Variants in FRAS1 observed in about 807,000 individuals in gnomAD.
FRAS1 encodes Fraser extracellular matrix complex subunit 1.
In FRAS1, 290 loss-of-function variants were observed where a neutral mutation model predicts 435.2. That is an observed-to-expected ratio of 0.67 (90% CI 0.61 to 0.73). FRAS1 has a LOEUF of 0.73. Ranked by LOEUF, FRAS1 falls within the 30% of genes least tolerant of loss-of-function variation. The pLI is 0.00. For synonymous variants in FRAS1, 1,800 were observed against 1,851.0 expected, an observed-to-expected ratio of 0.97 and a Z score of 0.71; for missense variants, 4,860 against 5,001.5, an observed-to-expected ratio of 0.97 and a Z score of 0.85.
rs933647407 is a variant in FRAS1, at chr4:78,264,156, C to T, written c.604-869C>T. 1.5e-4 allele frequency among the ~76,000 whole-genome samples: 23 copies of T among 152,182 alleles called. 1 individual carries two copies. Among genetic ancestry groups the T allele is most frequent in the Admixed American group, 1.1e-3 (17 of 15,274 alleles). ...CTGCCTTTCATGTCTCCTTTCCTGA[C>T]ATTGAAGAAGGCTGTAGTGATAAGT... is the stretch of plus-strand genomic sequence containing the variant. On this transcript the variant is annotated intron_variant, in intron 6 of 73. Coordinates refer to ENST00000512123, the MANE Select transcript of FRAS1 (RefSeq NM_025074.7).
At chr4:78,243,268 G>A (rs1219249659) in intron 3 of FRAS1, among the ~76,000 whole-genome samples, 1 of 151,982 alleles carries the variant, frequency 6.6e-6, no homozygotes, top group Non-Finnish European at 1.5e-5. Flanking sequence ...AATGTGTGGA[G>A]GAGTACCCCA....
chr4:78,371,844 T>A (rs1731525334), intron 23 of FRAS1, among the ~76,000 whole-genome samples: 1 of 152,288 alleles, frequency 6.6e-6, no homozygotes, highest in South Asian at 2.1e-4. Context: ...ACTATAATAT[T>A]CACAATAACA....
rs748390392 is a variant in FRAS1, at chr4:78,099,082, A to G, written c.108+33066A>G. 4.6e-5 allele frequency among the ~76,000 whole-genome samples: 7 copies of G among 152,206 alleles called. No individual in the cohort carries two copies. The East Asian group carries it at 5.8e-4, about 13-fold the overall frequency. On this transcript the variant is annotated intron_variant, in intron 2 of 73. Coordinates refer to ENST00000512123, the MANE Select transcript of FRAS1 (RefSeq NM_025074.7). ...ATTAACAGATTCTTAAAATCTCCTC[A>G]TTGCTTTAGTTTATAAGGGCTCCCC...
intron 2 of FRAS1, among the ~76,000 whole-genome samples, chr4:78,237,035 T>C (rs948156784): frequency 5.3e-5 from 8 of 152,070 alleles, no homozygotes; most frequent in South Asian, 4.2e-4. Context: ...TTGTTTCTGA[T>C]GAATGTTAGA....
chr4:78,114,770 G>T (rs1235352205), intron 2 of FRAS1, among the ~76,000 whole-genome samples: 1 of 152,226 alleles, frequency 6.6e-6, no homozygotes, highest in Admixed American at 6.5e-5. Context: ...CATGTCATCT[G>T]CAAACAGGGA....
chr4:78,479,388 A>T lies in FRAS1; in HGVS notation c.8113A>T (p.Ile2705Phe). 6.7e-7 allele frequency: 1 copy of T among 1,497,170 alleles called. No homozygotes were observed. Among genetic ancestry groups the T allele is most frequent in the Non-Finnish European group, 8.9e-7 (1 of 1,119,952 alleles). 92.7% of individuals were successfully genotyped at this position (1,497,170 alleles called of 1,614,324 possible). ...PIERKGDASS[I>F]VSAICYTVPK... ...TTGTATTTCAGGAGATGCAAGCAGC[A>T]TTGTATCTGCAATTTGCTACACAGT... The change falls in exon 56 of 74, where the codon ATT (isoleucine) becomes TTT (phenylalanine). Residue 2705 changes from isoleucine to phenylalanine, a missense_variant. Ile to Phe is a conservative substitution (Grantham distance 21). Coordinates refer to ENST00000512123, the MANE Select transcript of FRAS1 (RefSeq NM_025074.7).
intron 14 of FRAS1, among the ~76,000 whole-genome samples, chr4:78,303,720 T>C (rs563750629): frequency 0.012 from 1,792 of 152,242 alleles, 30 homozygotes; most frequent in South Asian, 0.043. Context: ...CCTGAGACTT[T>C]GCTGAAGTTG....
chr4:78,079,602 T>A (rs902430227), intron 2 of FRAS1, among the ~76,000 whole-genome samples: 7 of 152,148 alleles, frequency 4.6e-5, no homozygotes, highest in Admixed American at 1.3e-4. Context: ...GATGTCAACA[T>A]GTGTTTTTCA....
intron 2 of FRAS1, among the ~76,000 whole-genome samples, chr4:78,224,156 A>G (rs1175775761): frequency 6.6e-6 from 1 of 152,170 alleles, no homozygotes; most frequent in Non-Finnish European, 1.5e-5. Context: ...TATAGGTAAT[A>G]GTGGCAGCCA....
chr4:78,466,205 C>G lies in FRAS1; in HGVS notation c.7030-3C>G, dbSNP rs1254762800. 1.4e-5 allele frequency: 22 copies of G among 1,613,084 alleles called. No individual in the cohort carries two copies. The highest frequency in any genetic ancestry group is 3.3e-4 in the Middle Eastern group (2 of 6,074). ...CCCCTCTGGTATTTTGCCTTCCGGA[C>G]AGGCCGAGTCTGTCACATTCACCAT... On this transcript the variant is annotated splice_region_variant and splice_polypyrimidine_tract_variant and intron_variant, in intron 49 of 73. Transcript: ENST00000512123.
rs951332259 is a variant in FRAS1 at position 78,114,457 on chromosome 4, C to T, written c.108+48441C>T. On this transcript the variant is annotated intron_variant, in intron 2 of 73. Transcript: ENST00000512123. ...TTTCATGATATTGATTCTTCCTGCT[C>T]ATGAGCATGGAATGTTCTTCCATTT... Among the ~76,000 whole-genome samples, 62 of 152,292 alleles carry T rather than the reference C, an allele frequency of 4.1e-4. 2 individuals carry two copies. The highest frequency in any genetic ancestry group is 1.4e-3 in the African/African-American group (58 of 41,564).
Position 78,278,764 on chromosome 4 carries a change from C to T in FRAS1, c.1071+20C>T, listed in dbSNP as rs1417745373. 1 of 1,360,354 alleles carries T rather than the reference C, an allele frequency of 7.4e-7. No individual in the cohort carries two copies. The highest frequency in any genetic ancestry group is 1.0e-6 in the Non-Finnish European group (1 of 957,750). The allele number at this position is 1,360,354 out of a possible 1,614,324, so 84.3% of individuals were successfully genotyped here. On this transcript the variant is annotated intron_variant, in intron 10 of 73. Transcript: ENST00000512123. Reference sequence around the variant, plus strand: ...GAATTTGTGAGTATCAGGCTTATAACCGAAGATGATTTCAAATTAATTCAA... The same window carrying T: ...GAATTTGTGAGTATCAGGCTTATAATCGAAGATGATTTCAAATTAATTCAA...
chr4:78,111,702 T>C (rs1468684126), intron 2 of FRAS1, among the ~76,000 whole-genome samples: 2 of 124,820 alleles, frequency 1.6e-5, no homozygotes, highest in African/African-American at 6.4e-5. Context: ...TGTATACATA[T>C]GTAACTAACC....
chr4:78,507,876 C>A (rs1016032606), intron 62 of FRAS1, among the ~76,000 whole-genome samples: 2 of 152,040 alleles, frequency 1.3e-5, no homozygotes, highest in African/African-American at 4.8e-5. Context: ...ACAGGGAAGC[C>A]CCCGACAACA....
At chr4:78,475,165 T>C (rs1032414099) in intron 53 of FRAS1, among the ~76,000 whole-genome samples, 2 of 152,222 alleles carry the variant, frequency 1.3e-5, no homozygotes, top group African/African-American at 4.8e-5. Context: ...TCATTGCTCC[T>C]ATGTGCTGTC....
chr4:78,360,300 GC>G (rs1731027647), intron 20 of FRAS1, among the ~76,000 whole-genome samples: 1 of 152,166 alleles, frequency 6.6e-6, no homozygotes, highest in Admixed American at 6.5e-5. Flanking sequence ...CTTTTCAAGA[GC>G]AATACCACAG....
chr4:78,244,911 C>G (rs950027325), intron 3 of FRAS1, among the ~76,000 whole-genome samples: 15 of 152,316 alleles, frequency 9.8e-5, no homozygotes, highest in African/African-American at 3.4e-4. Flanking sequence ...TCTGCCTCTT[C>G]CCAGCAGGAG....
At chr4:78,192,852 G>A (rs1337503107) in intron 2 of FRAS1, among the ~76,000 whole-genome samples, 1 of 151,972 alleles carries the variant, frequency 6.6e-6, no homozygotes, top group East Asian at 1.9e-4. Context: ...CTAGTTCTTT[G>A]AATTGCAATG....
chr4:78,145,009 A>C (rs1390938141), intron 2 of FRAS1, among the ~76,000 whole-genome samples: 3 of 152,226 alleles, frequency 2.0e-5, no homozygotes, highest in Non-Finnish European at 4.4e-5. Flanking sequence ...GAAGGAAACA[A>C]TATTCATTTC....
Sources: allele counts gnomAD v4.1 joint callset (sites outside exome capture counted in the v4.1 genomes callset), GRCh38; gene constraint gnomAD v4.1.1; transcripts MANE v1.5; gene names NCBI Gene and HGNC (gene_info 2026-07-23, HGNC 2026-07-21).